Variants in CPAMD8 observed in about 807,000 individuals in gnomAD.
The protein encoded by CPAMD8 is C3 and PZP-like alpha-2-macroglobulin domain-containing protein 8.
A neutral mutation model predicts 224.7 loss-of-function variants in CPAMD8; 146 were observed. The ratio of observed to expected loss-of-function variants is 0.65; its 90% CI spans 0.57 to 0.75. The LOEUF (loss-of-function observed/expected upper bound fraction) is 0.75. Ranked by LOEUF, CPAMD8 falls within the 30% of genes least tolerant of loss-of-function variation. The pLI is 0.00. For synonymous variants in CPAMD8, 966 were observed against 1,044.6 expected (o/e 0.92, Z 1.45); for missense variants, 2,301 against 2,537.5 (o/e 0.91, Z 2.00).
chr19:16,897,898 A>G lies in CPAMD8; in HGVS notation c.4945T>C (p.Tyr1649His), dbSNP rs760712944. 3.1e-6 allele frequency: 5 copies of G among 1,609,756 alleles called. No individual in the cohort carries two copies. The highest frequency in any genetic ancestry group is 1.3e-5 in the African/African-American group (1 of 74,816). ...GGGCGCGCGGGCCTACCGGGTTCGT[A>G]GTAGTCGTACACGGAGACTGGCAGC... ...SALPVSVYDYYEPAFEATRFY... is the reference protein window; with the variant it reads ...SALPVSVYDYHEPAFEATRFY... The change falls in exon 38 of 42, where the codon TAC becomes CAC. Residue 1649 changes from tyrosine (Y) to histidine (H), a missense_variant. Around this residue, in one of 4 missense-constraint regions of CPAMD8, gnomAD observed 1,709 missense variants for 1,753.2 expected, o/e 0.97. Transcript: ENST00000443236.
intron 21 of CPAMD8, among the ~76,000 whole-genome samples, chr19:16,946,249 T>C: frequency 6.6e-6 from 1 of 151,628 alleles, no homozygotes; most frequent in Non-Finnish European, 1.5e-5. Context: ...GATGCATGTC[T>C]ACACATGTGG....
chr19:16,950,752 C>T (rs902862904), intron 20 of CPAMD8, among the ~76,000 whole-genome samples: 4 of 141,912 alleles, frequency 2.8e-5, no homozygotes, highest in African/African-American at 8.2e-5. Flanking sequence ...GTGATTGTAC[C>T]AGTGCGCTCC....
chr19:16,963,758 T>C (rs1375195472), intron 18 of CPAMD8, among the ~76,000 whole-genome samples: 2 of 152,154 alleles, frequency 1.3e-5, no homozygotes, highest in Non-Finnish European at 2.9e-5. Flanking sequence ...CAGCATCACA[T>C]CACACTTATT....
intron 11 of CPAMD8, among the ~76,000 whole-genome samples, chr19:16,995,978 C>T (rs7257756): frequency 0.037 from 5,634 of 151,964 alleles, 145 homozygotes; most frequent in African/African-American, 0.066. Context: ...GGTGAAACCC[C>T]GTCTCTACTA....
At chr19:16,914,906 C>T in intron 27 of CPAMD8, 93 bp from the exon 28 acceptor site, 1 of 879,178 alleles carries the variant, frequency 1.1e-6, no homozygotes, top group Non-Finnish European at 1.8e-6. Flanking sequence ...GGCACCACCC[C>T]CGGCCTCCAT....
At position 16,957,911 on chromosome 19, in the gene CPAMD8, C is replaced by G; in HGVS notation, c.2218G>C (p.Glu740Gln). The G allele has an allele frequency of 6.2e-7, 1 of 1,613,700 alleles. No homozygotes were observed. The highest frequency in any genetic ancestry group is 1.1e-5 in the South Asian group (1 of 91,024). Reference protein sequence around the residue: ...VAPSRHPPRTEKRKRTFFPET... With the variant: ...VAPSRHPPRTQKRKRTFFPET... ...GGGAAGAAAGTCCTTTTTCTCTTCT[C>G]TGTTCTATGAAAAGAAAAAAAGAAA... The change falls in exon 19 of 42, where the codon GAG (glutamate) becomes CAG (glutamine). Residue 740 changes from glutamate to glutamine, a missense_variant. Physicochemically the swap from Glu to Gln is conservative, Grantham distance 29. This residue lies in a region of CPAMD8 where 1,709 missense variants were observed against 1,753.2 expected (regional missense o/e 0.97). Coordinates refer to ENST00000443236, the MANE Select transcript of CPAMD8 (RefSeq NM_015692.5).
intron 23 of CPAMD8, among the ~76,000 whole-genome samples, chr19:16,937,408 C>T (rs73525473): frequency 0.024 from 3,700 of 152,124 alleles, 143 homozygotes; most frequent in African/African-American, 0.085. Flanking sequence ...TATGGTTTTA[C>T]GTTTAAGTCC....
Position 16,947,156 on chromosome 19 carries a change from C to G in CPAMD8, c.2580G>C (p.Lys860Asn). Residue 860 changes from lysine to asparagine, a missense_variant, in exon 21 of 42, where the codon AAG becomes AAC. By Grantham distance (94) the Lys-to-Asn change is moderately conservative. Transcript: ENST00000443236. ...CCTCCCCGGGGGCCACACACATCTT[C>G]TTGGTCACATGGCGTTTGCCAGGAT... ...VGHPGKRHVTKKMCVAPGEAE... is the reference protein window; with the variant it reads ...VGHPGKRHVTNKMCVAPGEAE... 6.2e-7 allele frequency: 1 copy of G among 1,613,914 alleles called. No homozygotes were observed. The highest frequency in any genetic ancestry group is 1.3e-5 in the African/African-American group (1 of 75,050).
In CPAMD8 at chr19:16,977,716, CTCTT is replaced by C. The variant is rs1341324141; in HGVS notation, c.1586-180_1586-177del. Among the ~76,000 whole-genome samples the C allele has an allele frequency of 3.3e-5, 5 of 152,326 alleles. No individual in the cohort carries two copies. The South Asian group carries it at 8.3e-4, about 25-fold the overall frequency. On this transcript the variant is annotated intron_variant, in intron 14 of 41. Coordinates refer to ENST00000443236, the MANE Select transcript of CPAMD8 (RefSeq NM_015692.5). ...AGGCTACATCCTCAGTCAATGCTGA[CTCTT>C]TCTATTGACTCAGCTCTAGGGTCAC... is the stretch of plus-strand genomic sequence containing the variant.
At chr19:16,909,738 T>G (rs983079376) in intron 29 of CPAMD8, among the ~76,000 whole-genome samples, 22 of 99,032 alleles carry the variant, frequency 2.2e-4, no homozygotes, top group African/African-American at 8.7e-4. Context: ...GAGCGAAACT[T>G]CGTCTCAAAA....
chr19:17,004,198 A>C, intron 8 of CPAMD8, 75 bp downstream of exon 8: 2 of 1,025,164 alleles, frequency 2.0e-6, no homozygotes, highest in Non-Finnish European at 3.0e-6. Flanking sequence ...GAGCCCTTGC[A>C]CCCGGCCTTC....
chr19:16,962,145 A>G (rs2054679137), intron 18 of CPAMD8, among the ~76,000 whole-genome samples: 1 of 152,222 alleles, frequency 6.6e-6, no homozygotes, highest in Non-Finnish European at 1.5e-5. Flanking sequence ...TCCAAAGGAT[A>G]GTAGCTCCTT....
At chr19:16,993,695 A>G (rs2056035144) in intron 11 of CPAMD8, 109 bp from the exon 12 acceptor site, 2 of 1,030,866 alleles carry the variant, frequency 1.9e-6, no homozygotes, top group Admixed American at 2.7e-5. Flanking sequence ...TTCTTTGTAG[A>G]AATTGACAAA....
chr19:16,928,288 C>T, intron 24 of CPAMD8, 54 bp from the exon 25 acceptor site: 2 of 1,464,168 alleles, frequency 1.4e-6, no homozygotes, highest in Non-Finnish European at 1.9e-6. Context: ...GCAGTAGGCA[C>T]TCAGGTGGCA....
At chr19:16,974,708 T>G (rs1375992448) in intron 17 of CPAMD8, among the ~76,000 whole-genome samples, 1 of 152,124 alleles carries the variant, frequency 6.6e-6, no homozygotes, top group African/African-American at 2.4e-5. Flanking sequence ...GGCTCATGCT[T>G]GTAATCCTAA....
At chr19:17,004,201 C>A in intron 8 of CPAMD8, 72 bp downstream of exon 8, 1 of 1,067,794 alleles carries the variant, frequency 9.4e-7, no homozygotes, top group Non-Finnish European at 1.4e-6. Context: ...CCCTTGCACC[C>A]GGCCTTCTTC....
chr19:16,951,317 G>A (rs1024411946), intron 20 of CPAMD8, among the ~76,000 whole-genome samples: 2 of 152,062 alleles, frequency 1.3e-5, no homozygotes, highest in African/African-American at 4.8e-5. Flanking sequence ...TGTCTTTTGG[G>A]CCCACAAGCT....
At chr19:16,970,462 G>A (rs952832354) in intron 18 of CPAMD8, among the ~76,000 whole-genome samples, 2 of 149,184 alleles carry the variant, frequency 1.3e-5, no homozygotes, top group Non-Finnish European at 3.0e-5. Context: ...TGGCATGCCT[G>A]TAATCCCAGC....
At chr19:16,980,717 G>A in intron 13 of CPAMD8, 31 bp from the exon 14 acceptor site, 12 of 1,490,842 alleles carry the variant, frequency 8.0e-6, no homozygotes, top group Non-Finnish European at 1.1e-5. Flanking sequence ...GGGGGGCTCT[G>A]CCTCGCACCA....
Sources: allele counts gnomAD v4.1 joint callset (sites outside exome capture counted in the v4.1 genomes callset), GRCh38; gene constraint gnomAD v4.1.1; regional missense constraint gnomAD v4.1.1; transcripts MANE v1.5; gene names NCBI Gene and HGNC (gene_info 2026-07-23, HGNC 2026-07-21).